Variants in PLEKHG3 observed in about 807,000 individuals in gnomAD.
The protein encoded by PLEKHG3 is pleckstrin homology domain-containing family G member 3.
A neutral mutation model predicts 94.9 loss-of-function variants in PLEKHG3; 62 were observed. The observed-to-expected ratio is 0.65, with a 90% CI of 0.53 to 0.81. The LOEUF (loss-of-function observed/expected upper bound fraction) is 0.81, where lower values mean the gene tolerates loss of function less well. Among genes scored for constraint, PLEKHG3 ranks in the 30% least tolerant of loss-of-function variants. The probability of loss-of-function intolerance (pLI) is 0.00; values close to 1 mark genes in which losing one functional copy is unlikely to be tolerated. For missense variants in PLEKHG3, 1,461 were observed against 1,619.3 expected (o/e 0.90, Z 1.68); for synonymous variants, 614 against 654.0 (o/e 0.94, Z 0.93).
chr14:64,737,821 C>T, intron 14 of PLEKHG3: 1 of 1,084,836 alleles, frequency 9.2e-7, no homozygotes, highest in East Asian at 7.7e-5. Flanking sequence ...CGGGAGGTTG[C>T]CCAAGAGGCT....
rs61468622 is a variant in PLEKHG3, at chr14:64,716,435, T to TACAC, written c.-39-11130_-39-11127dup. On this transcript the variant is annotated intron_variant, in intron 1 of 16. Coordinates refer to ENST00000247226, the MANE Select transcript of PLEKHG3 (RefSeq NM_001308147.2). The surrounding 1 kb of genome is among the most constrained non-coding windows in gnomAD (Gnocchi z 5.0). Reference sequence around the variant, plus strand: ...GGTTAGAGAAGGTCATGTAGGGCCCTACACACACACACACACACACACACA... The same window carrying TACAC: ...GGTTAGAGAAGGTCATGTAGGGCCCTACACACACACACACACACACACACACACA... Among the ~76,000 whole-genome samples the TACAC allele has an allele frequency of 0.11, 11,242 of 104,846 alleles. 816 individuals are homozygous for TACAC. The highest frequency in any genetic ancestry group is 0.2 in the Middle Eastern group (39 of 196). The allele number at this position is 104,846 out of a possible 152,430, so 68.8% of individuals were successfully genotyped here. A position where few individuals can be genotyped will look rare whatever the true frequency, so the allele number is the denominator to read the frequency against.
chr14:64,722,876 A>G lies in PLEKHG3; in HGVS notation c.-39-4717A>G, dbSNP rs985703836. ...CAAGACCAGAGACACAGAGTTCCAGAAGGCTCCCCGTAATCCTGTGGGATA... is the reference window on the plus strand; with the variant it reads ...CAAGACCAGAGACACAGAGTTCCAGGAGGCTCCCCGTAATCCTGTGGGATA... On this transcript the variant is annotated intron_variant, in intron 1 of 16. Coordinates refer to ENST00000247226, the MANE Select transcript of PLEKHG3 (RefSeq NM_001308147.2). The surrounding 1 kb of genome is among the most constrained non-coding windows in gnomAD (Gnocchi z 4.3). 6.6e-6 allele frequency among the ~76,000 whole-genome samples: 1 copy of G among 152,130 alleles called. No homozygotes were observed. The highest frequency in any genetic ancestry group is 2.4e-5 in the African/African-American group (1 of 41,424).
chr14:64,710,838 G>A (rs552820247), intron 1 of PLEKHG3, among the ~76,000 whole-genome samples: 2 of 151,912 alleles, frequency 1.3e-5, no homozygotes, highest in Non-Finnish European at 1.5e-5. Context: ...GAGGGAGGGG[G>A]TGTGGAGGGA....
Position 64,739,683 on chromosome 14 carries a change from A to G in PLEKHG3, c.1518+828A>G, listed in dbSNP as rs1261371037. On this transcript the variant is annotated intron_variant, in intron 15 of 16. Coordinates refer to ENST00000247226, the MANE Select transcript of PLEKHG3 (RefSeq NM_001308147.2). The surrounding 1 kb of genome is among the most constrained non-coding windows in gnomAD (Gnocchi z 4.1). ...CTGGAAATTCTAAGGTCAAGATGCC[A>G]GCAGACCCTGGGGAGGGCTTGCCCT... 6.6e-6 allele frequency among the ~76,000 whole-genome samples: 1 copy of G among 152,248 alleles called. No homozygotes were observed. Among genetic ancestry groups the G allele is most frequent in the Admixed American group, 6.5e-5 (1 of 15,288 alleles).
chr14:64,709,284 G>A (rs1566689354), intron 1 of PLEKHG3, among the ~76,000 whole-genome samples: 1 of 152,308 alleles, frequency 6.6e-6, no homozygotes, highest in East Asian at 1.9e-4. Context: ...TGTTCCATGG[G>A]ATTAGGGAGA....
rs897315747 is a variant in PLEKHG3 at position 64,730,272 on chromosome 14, A to C, written c.479A>C (p.Asn160Thr). The change falls in exon 4 of 17, where the codon AAT (asparagine) becomes ACT (threonine). Residue 160 changes from asparagine to threonine, a missense_variant. Physicochemically the swap from Asn to Thr is moderately conservative, Grantham distance 65 (BLOSUM62 0). Transcript: ENST00000247226. This position sits in a 1 kb window ranked among gnomAD's most constrained non-coding sequence, Gnocchi z 5.4. ...SQLLRDLDSC[N>T]SDPVAVASCF... Reference sequence around the variant, plus strand: ...CTCCTCAGAGACCTGGACAGCTGCAATAGTGACCCCGTGGCTGTGGCCAGC... The same window carrying C: ...CTCCTCAGAGACCTGGACAGCTGCACTAGTGACCCCGTGGCTGTGGCCAGC... The C allele has an allele frequency of 6.5e-7, 1 of 1,535,240 alleles. No individual in the cohort carries two copies. Among genetic ancestry groups the C allele is most frequent in the Admixed American group, 2.0e-5 (1 of 50,988 alleles).
Position 64,727,970 on chromosome 14 carries a change from C to T in PLEKHG3, c.339C>T (p.Arg113=). 6.4e-7 allele frequency: 1 copy of T among 1,574,254 alleles called. No individual in the cohort carries two copies. ...ETERMYVQDL[R]SIVEDYLLKI... is the part of the protein sequence containing the mutation. ...AGCGCATGTACGTACAGGACCTGCG[C>T]AGCATCGTGGAGGTGCGTGTCGGAG... The change falls in exon 2 of 17, where the codon CGC becomes CGT. Residue 113 remains arginine, a synonymous_variant. Coordinates refer to ENST00000247226, the MANE Select transcript of PLEKHG3 (RefSeq NM_001308147.2). This position sits in a 1 kb window ranked among gnomAD's most constrained non-coding sequence, Gnocchi z 6.0.
Position 64,730,604 on chromosome 14 carries a change from G to A in PLEKHG3, c.520-38G>A, listed in dbSNP as rs1321736734. 3 of 1,555,430 alleles carry A rather than the reference G, an allele frequency of 1.9e-6. No homozygotes were observed. Among genetic ancestry groups the A allele is most frequent in the Non-Finnish European group, 2.7e-6 (3 of 1,126,908 alleles). ...TACCACCATCTTTACTGTCAAATGA[G>A]AATCTCCCTGAAATCACTATTTTTG... On this transcript the variant is annotated intron_variant, in intron 4 of 16. Coordinates refer to ENST00000247226, the MANE Select transcript of PLEKHG3 (RefSeq NM_001308147.2). The surrounding 1 kb of genome is among the most constrained non-coding windows in gnomAD (Gnocchi z 5.4).
chr14:64,737,251 C>A, intron 13 of PLEKHG3, 105 bp from the exon 14 acceptor site: 1 of 843,604 alleles, frequency 1.2e-6, no homozygotes, highest in Non-Finnish European at 2.0e-6. Flanking sequence ...GTGAGGACTT[C>A]CCCAGGGAGC....
At chr14:64,742,914 C>T (rs1484017753) in intron 16 of PLEKHG3, 68 bp from the exon 17 acceptor site, 10 of 1,549,156 alleles carry the variant, frequency 6.5e-6, no homozygotes, top group Middle Eastern at 1.9e-4. Context: ...TTGGGGCCTG[C>T]TCAGAGCACC....
At chr14:64,735,138 G>A (rs1400437903) in intron 12 of PLEKHG3, among the ~76,000 whole-genome samples, 1 of 152,200 alleles carries the variant, frequency 6.6e-6, no homozygotes, top group East Asian at 1.9e-4. Flanking sequence ...GCATCACTTA[G>A]GGTGTGTGAA....
rs985522626 is a variant in PLEKHG3, at chr14:64,717,966, C to T, written c.-39-9627C>T. On this transcript the variant is annotated intron_variant, in intron 1 of 16. Transcript: ENST00000247226. The surrounding 1 kb of genome is among the most constrained non-coding windows in gnomAD (Gnocchi z 4.7). ...AGCCACGTGGATTCCTTCCATCTGT[C>T]CTTGGCCTGCCTTGCAGCCTGGCCT... 2.0e-5 allele frequency among the ~76,000 whole-genome samples: 3 copies of T among 152,242 alleles called. No individual in the cohort carries two copies. The highest frequency in any genetic ancestry group is 7.2e-5 in the African/African-American group (3 of 41,462).
At chr14:64,714,683 G>T (rs1254759565) in intron 1 of PLEKHG3, among the ~76,000 whole-genome samples, 1 of 152,190 alleles carries the variant, frequency 6.6e-6, no homozygotes, top group Non-Finnish European at 1.5e-5. Context: ...TGATTCTGAA[G>T]CTTTCTTCTG....
At chr14:64,735,188 C>T (rs1216948292) in intron 12 of PLEKHG3, among the ~76,000 whole-genome samples, 1 of 152,184 alleles carries the variant, frequency 6.6e-6, no homozygotes, top group Non-Finnish European at 1.5e-5. Flanking sequence ...TGTGGGTTGC[C>T]ATAGAGACAG....
rs200024630 is a variant in PLEKHG3 at position 64,743,560 on chromosome 14, C to T, written c.3517C>T (p.Leu1173=). 6.2e-7 allele frequency: 1 copy of T among 1,612,942 alleles called. No individual in the cohort carries two copies. Among genetic ancestry groups the T allele is most frequent in the East Asian group, 2.2e-5 (1 of 44,866 alleles). ...CCAGGGACCAAGCTCACCGGTGGCC[C>T]TGCTGGGGCAGGTTCAGGACTTCCA... ...SGQGPSSPVA[L]LGQVQDFQQS... Residue 1173 remains leucine (L), a synonymous_variant, in exon 17 of 17, where the codon CTG becomes TTG. Coordinates refer to ENST00000247226, the MANE Select transcript of PLEKHG3 (RefSeq NM_001308147.2). This position sits in a 1 kb window ranked among gnomAD's most constrained non-coding sequence, Gnocchi z 7.2.
At position 64,743,607 on chromosome 14, in the gene PLEKHG3, G is replaced by T. The variant is rs368930322; in HGVS notation, c.3564G>T (p.Pro1188=). 412 of 1,612,650 alleles carry T rather than the reference G, an allele frequency of 2.6e-4. No individual in the cohort carries two copies. Among genetic ancestry groups the T allele is most frequent in the Non-Finnish European group, 3.4e-4 (396 of 1,179,946 alleles). Residue 1188 remains proline (P), a synonymous_variant, in exon 17 of 17, where the codon CCG becomes CCT. Coordinates refer to ENST00000247226, the MANE Select transcript of PLEKHG3 (RefSeq NM_001308147.2). This position sits in a 1 kb window ranked among gnomAD's most constrained non-coding sequence, Gnocchi z 7.2. The part of the protein sequence containing the change: ...QDFQQSAECQ[P]KEEGSRDPAD... ...TCCAGCAGTCTGCAGAGTGCCAGCC[G>T]AAGGAAGAGGGTTCCAGGGACCCGG...
rs1412015995 is a variant in PLEKHG3, at chr14:64,704,884, C to A, written c.-40+180C>A. ...CTGTGTTGGCTGCTTCCCGGGCCAC[C>A]CTGCCGCAGAGTGCGCGAGCGCAGG... On this transcript the variant is annotated intron_variant, in intron 1 of 16. Coordinates refer to ENST00000247226, the MANE Select transcript of PLEKHG3 (RefSeq NM_001308147.2). This position sits in a 1 kb window ranked among gnomAD's most constrained non-coding sequence, Gnocchi z 5.6. Among the ~76,000 whole-genome samples, 1 of 152,256 alleles carries A rather than the reference C, an allele frequency of 6.6e-6. No individual in the cohort carries two copies. The highest frequency in any genetic ancestry group is 1.5e-5 in the Non-Finnish European group (1 of 68,050).
rs2081436291 is a variant in PLEKHG3, at chr14:64,730,435, C to G, written c.519+123C>G. 2 of 772,920 alleles carry G rather than the reference C, an allele frequency of 2.6e-6. No homozygotes were observed. The highest frequency in any genetic ancestry group is 4.3e-6 in the Non-Finnish European group (2 of 460,666). The allele number at this position is 772,920 out of a possible 1,614,324, so 47.9% of individuals were successfully genotyped here. On this transcript the variant is annotated intron_variant, in intron 4 of 16. Coordinates refer to ENST00000247226, the MANE Select transcript of PLEKHG3 (RefSeq NM_001308147.2). The surrounding 1 kb of genome is among the most constrained non-coding windows in gnomAD (Gnocchi z 5.4). The stretch of plus-strand genomic sequence containing the variant: ...CTTTCCAGGGAAAGTCCTGGGTGCT[C>G]TATCTTGAATGAGAAGGGTGTTCTG...
intron 1 of PLEKHG3, among the ~76,000 whole-genome samples, chr14:64,713,461 T>A (rs116566839): frequency 0.011 from 1,633 of 152,346 alleles, 30 homozygotes; most frequent in African/African-American, 0.037. Context: ...AAGTTACTAA[T>A]TTAATCTCTT....
Sources: allele counts gnomAD v4.1 joint callset (sites outside exome capture counted in the v4.1 genomes callset), GRCh38; gene constraint gnomAD v4.1.1; non-coding constraint Gnocchi (gnomAD v3.1); transcripts MANE v1.5; gene names NCBI Gene and HGNC (gene_info 2026-07-23, HGNC 2026-07-21).